Variants in GNE observed in about 807,000 individuals in gnomAD.
The protein encoded by GNE is glucosamine (UDP-N-acetyl)-2-epimerase/N-acetylmannosamine kinase.
In GNE, 41 loss-of-function variants were observed where a neutral mutation model predicts 61.8. The observed-to-expected ratio is 0.66, with a 90% CI of 0.52 to 0.86. GNE has a LOEUF of 0.86. Among genes scored for constraint, GNE ranks in the 40% least tolerant of loss-of-function variants. The probability of loss-of-function intolerance (pLI) is 0.00; values close to 1 mark genes in which losing one functional copy is unlikely to be tolerated. For missense variants in GNE, 608 were observed against 909.1 expected (o/e 0.67, Z 4.26); for synonymous variants, 264 against 326.4 (o/e 0.81, Z 2.06).
intron 1 of GNE, among the ~76,000 whole-genome samples, chr9:36,256,353 T>G (rs1214665586): frequency 7.0e-6 from 1 of 142,318 alleles, no homozygotes; most frequent in African/African-American, 2.6e-5. Context: ...CAAGCGATAC[T>G]CCTATCTCAG....
At chr9:36,251,216 T>C (rs1467615035) in intron 1 of GNE, among the ~76,000 whole-genome samples, 4 of 152,148 alleles carry the variant, frequency 2.6e-5, no homozygotes, top group Non-Finnish European at 2.9e-5. Context: ...CTGGAAAGGC[T>C]TCACACAAAC....
rs200763627 is a variant in GNE at position 36,276,927 on chromosome 9, A to G, written c.18T>C (p.Tyr6=). The stretch of plus-strand genomic sequence containing the variant: ...CTTGAAAGCATGACTCCCTCTGCAG[A>G]TAACCATAGGTTTCCATCCCGAAGC... Residue 6 remains tyrosine (Y), a synonymous_variant, in exon 1 of 12, where the codon TAT becomes TAC. Transcript: ENST00000396594. 1 of 1,613,218 alleles carries G rather than the reference A, an allele frequency of 6.2e-7. No homozygotes were observed. Among genetic ancestry groups the G allele is most frequent in the Non-Finnish European group, 8.5e-7 (1 of 1,179,418 alleles).
intron 1 of GNE, among the ~76,000 whole-genome samples, chr9:36,268,352 G>T (rs142548652): frequency 1.1e-3 from 166 of 152,212 alleles, no homozygotes; most frequent in African/African-American, 3.9e-3. Context: ...ACACAATTAT[G>T]CTCTAAACTT....
chr9:36,272,277 C>G (rs1349752850), intron 1 of GNE, among the ~76,000 whole-genome samples: 1 of 152,072 alleles, frequency 6.6e-6, no homozygotes, highest in Non-Finnish European at 1.5e-5. Flanking sequence ...TCACTATAAT[C>G]GGGAGAGTTT....
intron 1 of GNE, among the ~76,000 whole-genome samples, chr9:36,268,757 C>T (rs542390135): frequency 6.6e-6 from 1 of 152,292 alleles, no homozygotes; most frequent in East Asian, 1.9e-4. Context: ...CAGTAACACG[C>T]TTCTGGGGAA....
rs1206396911 is a variant in GNE, at chr9:36,272,927, A to T, written c.51+3967T>A. The stretch of plus-strand genomic sequence containing the variant: ...CATCTAGTAAAAATACAAAAAAAAA[A>T]AAAAAAAAAAAGCTGGGCATGGTGG... On this transcript the variant is annotated intron_variant, in intron 1 of 11. Transcript: ENST00000396594. 1.2e-4 allele frequency among the ~76,000 whole-genome samples: 18 copies of T among 146,660 alleles called. 1 individual carries two copies. Among genetic ancestry groups the T allele is most frequent in the East Asian group, 8.4e-4 (4 of 4,740 alleles).
At chr9:36,261,146 G>T (rs1830604440), upstream of GNE, among the ~76,000 whole-genome samples, 1 of 152,032 alleles carries the variant, frequency 6.6e-6, no homozygotes, top group Admixed American at 6.6e-5. Context: ...AAAGACCCCG[G>T]TGATTACATT....
At chr9:36,222,481 A>G (rs963082077) in intron 9 of GNE, among the ~76,000 whole-genome samples, 50 of 152,128 alleles carry the variant, frequency 3.3e-4, no homozygotes, top group Non-Finnish European at 5.9e-4. Context: ...AGGGCAAAGG[A>G]TAACAGCTGG....
At chr9:36,228,945 A>C in intron 6 of GNE, 76 bp downstream of exon 6, 1 of 878,740 alleles carries the variant, frequency 1.1e-6, no homozygotes. Flanking sequence ...ATGATTAAAC[A>C]GTGATTGTAG....
intron 6 of GNE, 136 bp downstream of exon 6, chr9:36,228,885 C>A (rs1829016957): frequency 2.8e-6 from 2 of 705,716 alleles, no homozygotes; most frequent in Non-Finnish European, 2.7e-6. Flanking sequence ...CAATCCCTGT[C>A]TCCCCAGCAA....
intron 4 of GNE, among the ~76,000 whole-genome samples, chr9:36,236,560 G>T (rs1477143473): frequency 1.3e-5 from 2 of 152,180 alleles, no homozygotes; most frequent in Non-Finnish European, 2.9e-5. Flanking sequence ...TTAACTGGTG[G>T]AAACTGGAGG....
At chr9:36,237,884 T>C (rs1028107841) in intron 3 of GNE, among the ~76,000 whole-genome samples, 3 of 152,016 alleles carry the variant, frequency 2.0e-5, no homozygotes, top group Non-Finnish European at 4.4e-5. Context: ...ATAGCTTAGC[T>C]TCCACATATC....
At chr9:36,219,393 C>T (rs1345868971) in intron 10 of GNE, among the ~76,000 whole-genome samples, 1 of 152,212 alleles carries the variant, frequency 6.6e-6, no homozygotes, top group Admixed American at 6.5e-5. Context: ...CACTCCCCAT[C>T]TCTTTTCCTT....
At chr9:36,223,243 C>A in intron 8 of GNE, 130 bp downstream of exon 8, 1 of 914,150 alleles carries the variant, frequency 1.1e-6, no homozygotes, top group Non-Finnish European at 1.8e-6. Context: ...ATGCTTGGGG[C>A]CCACAGACAG....
At chr9:36,249,920 A>C (rs1054933167) in intron 1 of GNE, among the ~76,000 whole-genome samples, 7 of 151,940 alleles carry the variant, frequency 4.6e-5, no homozygotes, top group African/African-American at 1.4e-4. Flanking sequence ...CAGCAAACTA[A>C]CTGTAACACC....
chr9:36,265,103 G>A (rs1208690031), intron 1 of GNE: 8 of 298,410 alleles, frequency 2.7e-5, no homozygotes, highest in African/African-American at 1.5e-4. Flanking sequence ...CTGATCCAGC[G>A]AGGCGCCCAC....
At chr9:36,253,242 T>C (rs1429318507) in intron 1 of GNE, among the ~76,000 whole-genome samples, 1 of 151,892 alleles carries the variant, frequency 6.6e-6, no homozygotes, top group South Asian at 2.1e-4. Context: ...ATTACAAAAT[T>C]GGTAACATAT....
upstream of GNE, among the ~76,000 whole-genome samples, chr9:36,259,258 C>A (rs1344796681): frequency 6.6e-6 from 1 of 152,188 alleles, no homozygotes; most frequent in Non-Finnish European, 1.5e-5. Flanking sequence ...TTCTGAGTCA[C>A]TCCCAGCATT....
In GNE at chr9:36,233,441, C is replaced by T. The variant is rs188546665; in HGVS notation, c.982+479G>A. Among the ~76,000 whole-genome samples, 889 of 152,196 alleles carry T rather than the reference C, an allele frequency of 5.8e-3. 11 individuals are homozygous for T. The highest frequency in any genetic ancestry group is 0.02 in the African/African-American group (822 of 41,540). On this transcript the variant is annotated intron_variant, in intron 5 of 11. Transcript: ENST00000642385. ...CAGCACTTTGGGAGGCCGAGGTGGGCGGATCACGAGGTCAGGAGATTGAGA... is the reference window on the plus strand; with the variant it reads ...CAGCACTTTGGGAGGCCGAGGTGGGTGGATCACGAGGTCAGGAGATTGAGA...
Sources: allele counts gnomAD v4.1 joint callset (sites outside exome capture counted in the v4.1 genomes callset), GRCh38; gene constraint gnomAD v4.1.1; transcripts MANE v1.5; gene names NCBI Gene and HGNC (gene_info 2026-07-23, HGNC 2026-07-21).